The following ACACA variants were observed in gnomAD, a reference collection of about 807,000 sequenced individuals.
ACACA encodes acetyl-CoA carboxylase 1.
Under a neutral mutation model 296.1 loss-of-function variants are expected in ACACA, and 103 were observed. That is an observed-to-expected ratio of 0.35 (90% CI 0.30 to 0.41). ACACA has a LOEUF of 0.41. Ranked by LOEUF, ACACA falls within the 10% of genes least tolerant of loss-of-function variation. ACACA has a pLI of 1.00. For missense variants in ACACA, 1,554 were observed against 2,989.7 expected (o/e 0.52, Z 11.20); for synonymous variants, 953 against 1,038.6 (o/e 0.92, Z 1.58).
At chr17:37,375,546 C>T (rs1222517398) in intron 1 of ACACA, among the ~76,000 whole-genome samples, 2 of 152,026 alleles carry the variant, frequency 1.3e-5, no homozygotes, top group Non-Finnish European at 2.9e-5. Context: ...ACATTTAGAT[C>T]CCAAGAAGTC....
At chr17:37,346,532 T>A (rs1445287495) in intron 1 of ACACA, among the ~76,000 whole-genome samples, 2 of 150,920 alleles carry the variant, frequency 1.3e-5, no homozygotes, top group African/African-American at 4.9e-5. Flanking sequence ...AAACCCAGTC[T>A]CTACTAAAAA....
intron 1 of ACACA, among the ~76,000 whole-genome samples, chr17:37,372,365 A>T (rs2049839538): frequency 6.6e-6 from 1 of 150,690 alleles, no homozygotes; most frequent in Non-Finnish European, 1.5e-5. Context: ...GTGAGCCGAG[A>T]TCGCGCCACT....
rs561757993 is a variant in ACACA at position 37,127,800 on chromosome 17, C to T, written c.5944+1565G>A. 1.4e-3 allele frequency among the ~76,000 whole-genome samples: 206 copies of T among 142,312 alleles called. 1 individual carries two copies. Among genetic ancestry groups the T allele is most frequent in the African/African-American group, 5.2e-3 (200 of 38,204 alleles). The allele number at this position is 142,312 out of a possible 152,430, so 93.4% of individuals were successfully genotyped here. A position where few individuals can be genotyped will look rare whatever the true frequency, so the allele number is the denominator to read the frequency against. Reference sequence around the variant, plus strand: ...CGGAGGTTGCAGTGAGCCGAGATCGCGCCACTGCACTCCAGCCTGGCGACA... The same window carrying T: ...CGGAGGTTGCAGTGAGCCGAGATCGTGCCACTGCACTCCAGCCTGGCGACA... On this transcript the variant is annotated intron_variant, in intron 47 of 55. Transcript: ENST00000616317.
rs374525020 is a variant in ACACA, at chr17:37,098,033, T to A, written c.6566-49A>T. 45 of 1,612,714 alleles carry A rather than the reference T, an allele frequency of 2.8e-5. No individual in the cohort carries two copies. In the African/African-American group the frequency reaches 4.8e-4, roughly 17 times the overall value. The stretch of plus-strand genomic sequence containing the variant: ...TCACACTCTGTAATGACCAGGAATC[T>A]CTCTGCACAAAAGCAGCCACAATCA... On this transcript the variant is annotated intron_variant, in intron 52 of 55. Transcript: ENST00000616317.
intron 27 of ACACA, among the ~76,000 whole-genome samples, chr17:37,224,023 G>A (rs931592231): frequency 3.3e-5 from 5 of 152,152 alleles, no homozygotes; most frequent in South Asian, 2.1e-4. Context: ...CCAACATGGC[G>A]AAACCCTGTC....
intron 24 of ACACA, among the ~76,000 whole-genome samples, chr17:37,237,313 C>T (rs544118383): frequency 1.3e-5 from 2 of 152,210 alleles, no homozygotes; most frequent in African/African-American, 4.8e-5. Context: ...ATGAACAGTG[C>T]TGTCACAAAT....
At chr17:37,199,570 G>A (rs186521119) in intron 35 of ACACA, among the ~76,000 whole-genome samples, 25 of 152,140 alleles carry the variant, frequency 1.6e-4, no homozygotes, top group Admixed American at 1.1e-3. Context: ...CTGTTCCTAC[G>A]ATTAACATAA....
At chr17:37,257,262 T>C (rs1296319023) in intron 14 of ACACA, among the ~76,000 whole-genome samples, 4 of 152,208 alleles carry the variant, frequency 2.6e-5, no homozygotes, top group Admixed American at 1.3e-4. Flanking sequence ...ATGGTGACTA[T>C]GGCTCATAAC....
At chr17:37,156,293 G>A (rs992215856) in intron 42 of ACACA, among the ~76,000 whole-genome samples, 2 of 151,834 alleles carry the variant, frequency 1.3e-5, no homozygotes, top group Non-Finnish European at 2.9e-5. Flanking sequence ...TCAATCTCCT[G>A]ACCTCGTGAT....
At chr17:37,264,098 T>C (rs898930156) in intron 10 of ACACA, among the ~76,000 whole-genome samples, 1 of 152,158 alleles carries the variant, frequency 6.6e-6, no homozygotes, top group Non-Finnish European at 1.5e-5. Context: ...ACATAACCAA[T>C]ATTAATTGAT....
At chr17:37,379,172 C>G (rs1176978447) in intron 1 of ACACA, 1 of 1,613,930 alleles carries the variant, frequency 6.2e-7, no homozygotes, top group East Asian at 2.2e-5. Flanking sequence ...AACATTCATT[C>G]AAAACCGGAC....
At chr17:37,089,122 G>T in intron 54 of ACACA, 48 bp from the exon 55 acceptor site, 1 of 1,613,426 alleles carries the variant, frequency 6.2e-7, no homozygotes, top group Non-Finnish European at 8.5e-7. Context: ...AGGCCAGGCC[G>T]GGACACCCTG....
chr17:37,153,831 A>G (rs542547140), intron 43 of ACACA, among the ~76,000 whole-genome samples: 1 of 152,296 alleles, frequency 6.6e-6, no homozygotes, highest in Non-Finnish European at 1.5e-5. Context: ...CAAAACCTAT[A>G]TGAAGAAAAC....
Position 37,097,703 on chromosome 17 carries a change from G to A in ACACA, c.6720+127C>T, listed in dbSNP as rs1353895426. 6.4e-6 allele frequency: 7 copies of A among 1,097,974 alleles called. No individual in the cohort carries two copies. Among genetic ancestry groups the A allele is most frequent in the Non-Finnish European group, 9.3e-6 (7 of 754,508 alleles). The allele number at this position is 1,097,974 out of a possible 1,614,324, so 68.0% of individuals were successfully genotyped here. On this transcript the variant is annotated intron_variant, in intron 53 of 55. Transcript: ENST00000616317. This position sits in a 1 kb window ranked among gnomAD's most constrained non-coding sequence, Gnocchi z 4.8. ...TGAAAATCTAAAAAATATTGAAAAT[G>A]TTTTGATCTGCAGAAGTTGTTTTAA...
At chr17:37,310,811 A>AAAAAAAG (rs1555639630) in intron 3 of ACACA, among the ~76,000 whole-genome samples, 1 of 149,280 alleles carries the variant, frequency 6.7e-6, no homozygotes, top group African/African-American at 2.5e-5. Context: ...AAAAAAAAAA[A>AAAAAAAG]AAAGAAAGAA....
At chr17:37,214,508 A>G (rs989949330) in intron 29 of ACACA, among the ~76,000 whole-genome samples, 1 of 152,188 alleles carries the variant, frequency 6.6e-6, no homozygotes, top group Non-Finnish European at 1.5e-5. Flanking sequence ...GCACAAAACT[A>G]CGGGGATTTA....
chr17:37,339,903 T>C, intron 1 of ACACA, 53 bp from the exon 2 acceptor site: 2 of 910,364 alleles, frequency 2.2e-6, no homozygotes, highest in Non-Finnish European at 3.5e-6. Flanking sequence ...AACAAACTTT[T>C]GTCAATTCCT....
intron 45 of ACACA, among the ~76,000 whole-genome samples, chr17:37,136,175 AAGAT>A (rs1378106695): frequency 2.0e-5 from 3 of 152,052 alleles, no homozygotes; most frequent in African/African-American, 7.3e-5. Context: ...CACAACAATC[AAGAT>A]AGAGAGCATT....
chr17:37,390,783 AC>A (rs1184728063), intron 1 of ACACA, among the ~76,000 whole-genome samples: 1 of 149,232 alleles, frequency 6.7e-6, no homozygotes, highest in African/African-American at 2.5e-5. Flanking sequence ...AAAGGGTGAG[AC>A]CCTGTGTCCA....
Sources: gnomAD v4.1 joint callset for allele counts (sites outside exome capture counted in the v4.1 genomes callset) on GRCh38, gnomAD v4.1.1 for gene constraint, Gnocchi (gnomAD v3.1) non-coding constraint, MANE v1.5 for transcripts, NCBI Gene and HGNC (gene_info 2026-07-23, HGNC 2026-07-21) for gene names.